CSMD1: variants seen among roughly 807,000 people sequenced by gnomAD.
CSMD1 encodes CUB and Sushi multiple domains 1.
In CSMD1, 213 loss-of-function variants were observed where a neutral mutation model predicts 417.5. That is an observed-to-expected ratio of 0.51 (90% confidence interval 0.46 to 0.57). The LOEUF is 0.57. Ranked by LOEUF, CSMD1 falls within the 20% of genes least tolerant of loss-of-function variation. The probability of loss-of-function intolerance (pLI) is 0.00; values close to 1 mark genes in which losing one functional copy is unlikely to be tolerated. For synonymous variants in CSMD1, 2,862 were observed against 1,736.8 expected, an observed-to-expected ratio of 1.65 and a Z score of -16.11; for missense variants, 6,923 against 4,529.7, an observed-to-expected ratio of 1.53 and a Z score of -15.17.
At chr8:4,198,144 A>C (rs1374902003) in intron 3 of CSMD1, among the ~76,000 whole-genome samples, 1 of 152,246 alleles carries the variant, frequency 6.6e-6, no homozygotes, top group East Asian at 1.9e-4. Context: ...TGAGTCTTAA[A>C]TGATGATCAG....
intron 3 of CSMD1, among the ~76,000 whole-genome samples, chr8:4,115,714 T>G (rs181400171): frequency 2.8e-4 from 43 of 152,210 alleles, no homozygotes; most frequent in Non-Finnish European, 4.6e-4. Flanking sequence ...GTGAATAAAC[T>G]GTGGGACATC....
intron 41 of CSMD1, among the ~76,000 whole-genome samples, chr8:3,126,274 C>G (rs1817504588): frequency 6.6e-6 from 1 of 152,188 alleles, no homozygotes; most frequent in South Asian, 2.1e-4. Context: ...AAAGCTTAGT[C>G]TTGATGGAAA....
chr8:4,103,708 T>A (rs192116673), intron 3 of CSMD1, among the ~76,000 whole-genome samples: 34 of 152,242 alleles, frequency 2.2e-4, no homozygotes, highest in African/African-American at 7.0e-4. Context: ...TTAAAACCCA[T>A]GATAAGAGTT....
intron 1 of CSMD1, among the ~76,000 whole-genome samples, chr8:4,892,264 G>T (rs117254803): frequency 1.3e-5 from 2 of 152,112 alleles, no homozygotes; most frequent in African/African-American, 2.4e-5. Context: ...ATACCACCTG[G>T]GTAGCCAGGT....
chr8:4,028,613 T>C (rs1181223955), intron 4 of CSMD1, among the ~76,000 whole-genome samples: 5 of 152,208 alleles, frequency 3.3e-5, no homozygotes, highest in African/African-American at 4.8e-5. Flanking sequence ...AGCCTGTAAA[T>C]TGGCATGCTT....
At chr8:4,665,205 T>C (rs564198504) in intron 1 of CSMD1, among the ~76,000 whole-genome samples, 1 of 152,298 alleles carries the variant, frequency 6.6e-6, no homozygotes, top group South Asian at 2.1e-4. Context: ...GGCGGCTTCT[T>C]TCAGAGCTCT....
intron 10 of CSMD1, among the ~76,000 whole-genome samples, chr8:3,555,500 C>G (rs1177799498): frequency 6.6e-6 from 1 of 152,280 alleles, no homozygotes; most frequent in Non-Finnish European, 1.5e-5. Context: ...GGTTTAAATT[C>G]TATGCACTGA....
intron 10 of CSMD1, among the ~76,000 whole-genome samples, chr8:3,571,061 G>A (rs76974818): frequency 6.6e-6 from 1 of 152,158 alleles, no homozygotes; most frequent in African/African-American, 2.4e-5. Context: ...TTCCACTCCA[G>A]GGCAAAACAC....
At chr8:3,576,555 C>T (rs1201229204) in intron 9 of CSMD1, among the ~76,000 whole-genome samples, 1 of 152,154 alleles carries the variant, frequency 6.6e-6, no homozygotes, top group Non-Finnish European at 1.5e-5. Flanking sequence ...TTGACCTATT[C>T]TACATTGATA....
At chr8:3,845,214 C>T (rs1220231914) in intron 5 of CSMD1, among the ~76,000 whole-genome samples, 1 of 152,146 alleles carries the variant, frequency 6.6e-6, no homozygotes, top group African/African-American at 2.4e-5. Flanking sequence ...CTATGCATCT[C>T]CTAACAATGG....
At chr8:3,668,691 C>T (rs780302926) in intron 7 of CSMD1, among the ~76,000 whole-genome samples, 2 of 152,064 alleles carry the variant, frequency 1.3e-5, no homozygotes, top group Non-Finnish European at 1.5e-5. Flanking sequence ...AACCAGGAGT[C>T]GAAGTCTAGA....
intron 8 of CSMD1, among the ~76,000 whole-genome samples, chr8:3,611,862 C>T (rs1390920678): frequency 6.6e-6 from 1 of 152,024 alleles, no homozygotes; most frequent in East Asian, 1.9e-4. Flanking sequence ...AGAAGTTCAG[C>T]CAATAAATTT....
At chr8:4,474,751 C>G (rs1364531915) in intron 2 of CSMD1, among the ~76,000 whole-genome samples, 2 of 152,140 alleles carry the variant, frequency 1.3e-5, no homozygotes. Context: ...CAGCAAATAC[C>G]ACACCTCCTG....
chr8:3,628,569 G>A (rs565295112), intron 7 of CSMD1, among the ~76,000 whole-genome samples: 92 of 152,274 alleles, frequency 6.0e-4, no homozygotes, highest in Non-Finnish European at 1.2e-3. Flanking sequence ...ACTGGGCCAC[G>A]GCAGCCACTG....
At chr8:3,686,817 T>C (rs375368133) in intron 7 of CSMD1, among the ~76,000 whole-genome samples, 96 of 152,342 alleles carry the variant, frequency 6.3e-4, no homozygotes, top group East Asian at 1.7e-3. Context: ...TTATGAGGGC[T>C]CCCAGGCCAC....
At chr8:3,471,058 T>A (rs1817064956) in intron 11 of CSMD1, among the ~76,000 whole-genome samples, 1 of 152,184 alleles carries the variant, frequency 6.6e-6, no homozygotes, top group African/African-American at 2.4e-5. Context: ...ATAGCTGCAT[T>A]GTGAAATCAT....
intron 1 of CSMD1, among the ~76,000 whole-genome samples, chr8:4,984,676 G>C (rs1811078549): frequency 1.3e-5 from 2 of 152,182 alleles, no homozygotes; most frequent in Non-Finnish European, 2.9e-5. Context: ...CAGATAGATG[G>C]AGAGAACAAA....
intron 3 of CSMD1, among the ~76,000 whole-genome samples, chr8:4,255,985 C>T (rs1039256284): frequency 1.1e-4 from 17 of 152,180 alleles, no homozygotes; most frequent in African/African-American, 3.9e-4. Flanking sequence ...AATACGACTA[C>T]GTGCAGGGTA....
chr8:4,295,910 A>C (rs112009665), intron 3 of CSMD1, among the ~76,000 whole-genome samples: 2 of 151,430 alleles, frequency 1.3e-5, no homozygotes, highest in Non-Finnish European at 2.9e-5. Context: ...CTGCTTCACT[A>C]ATTACTCCCA....
Sources: gnomAD v4.1 joint callset for allele counts (sites outside exome capture counted in the v4.1 genomes callset) on GRCh38, gnomAD v4.1.1 for gene constraint, MANE v1.5 for transcripts, NCBI Gene and HGNC (gene_info 2026-07-23, HGNC 2026-07-21) for gene names.